ABCG5: variants seen among roughly 807,000 people sequenced by gnomAD.
The protein encoded by ABCG5 is ATP binding cassette subfamily G member 5.
A neutral mutation model predicts 64.5 loss-of-function variants in ABCG5; 64 were observed. That is an observed-to-expected ratio of 0.99 (90% CI 0.81 to 1.22). The LOEUF (loss-of-function observed/expected upper bound fraction) is 1.22. Among genes scored for constraint, ABCG5 ranks in the 50% most tolerant of loss-of-function variants. The probability of loss-of-function intolerance (pLI) is 0.00; values close to 1 mark genes in which losing one functional copy is unlikely to be tolerated. For synonymous variants in ABCG5, 385 were observed against 326.3 expected, an observed-to-expected ratio of 1.18 and a Z score of -1.94; for missense variants, 908 against 829.5, an observed-to-expected ratio of 1.09 and a Z score of -1.16.
downstream of ABCG5, among the ~76,000 whole-genome samples, chr2:43,812,237 T>TA (rs1666515639): frequency 6.6e-6 from 1 of 152,058 alleles, no homozygotes; most frequent in African/African-American, 2.4e-5. Flanking sequence ...TTTTTCTATA[T>TA]GGACTTTAAA....
rs762951266 is a variant in ABCG5, at chr2:43,828,067, G to C, written c.550C>G (p.Leu184Val). ...CCCCCCAAGCTGTAGTTGCCAATCA[G>C]TCGGTCTGCCACATGGCTCAGACTC... ...ELSLSHVADR[L>V]IGNYSLGGIS... Residue 184 changes from leucine to valine, a missense_variant, in exon 5 of 13, where the codon CTG (leucine) becomes GTG (valine). By Grantham distance (32) the Leu-to-Val change is conservative (BLOSUM62 1). Coordinates refer to ENST00000405322, the MANE Select transcript of ABCG5 (RefSeq NM_022436.3). 6.2e-7 allele frequency: 1 copy of C among 1,614,108 alleles called. No individual in the cohort carries two copies. Among genetic ancestry groups the C allele is most frequent in the Admixed American group, 1.7e-5 (1 of 60,018 alleles).
intron 10 of ABCG5, chr2:43,822,443 G>GT (rs1667275164): frequency 3.4e-6 from 3 of 885,616 alleles, no homozygotes; most frequent in Non-Finnish European, 2.7e-6. Context: ...CTGTTTTAAG[G>GT]TTTTACATTC....
rs574615676 is a variant in ABCG5 at position 43,827,878 on chromosome 2, CA to C, written c.634+104del. The C allele has an allele frequency of 2.4e-4, 372 of 1,539,344 alleles. 1 individual carries two copies. In the African/African-American group the frequency reaches 4.3e-3, roughly 18 times the overall value. On this transcript the variant is annotated intron_variant, in intron 5 of 12. Transcript: ENST00000405322. The stretch of plus-strand genomic sequence containing the variant: ...AAAAACCTGTGATTTCAGTTGTACA[CA>C]AACCCCTTTCCAAATGAGGACCGTG...
chr2:43,839,188 T>C, upstream of ABCG5: 1 of 1,485,078 alleles, frequency 6.7e-7, no homozygotes, highest in Non-Finnish European at 9.2e-7. Flanking sequence ...CTCTCTTCCC[T>C]CAGGAGCCTT....
chr2:43,834,962 A>G (rs1668171098), intron 2 of ABCG5, among the ~76,000 whole-genome samples: 1 of 152,244 alleles, frequency 6.6e-6, no homozygotes, highest in Non-Finnish European at 1.5e-5. Flanking sequence ...ATTTTATGCA[A>G]TACTATGGAG....
Position 43,838,062 on chromosome 2 carries a change from G to C in ABCG5, c.144-107C>G. 2 of 1,487,114 alleles carry C rather than the reference G, an allele frequency of 1.3e-6. No individual in the cohort carries two copies. Among genetic ancestry groups the C allele is most frequent in the Non-Finnish European group, 1.9e-6 (2 of 1,077,470 alleles). The allele number at this position is 1,487,114 out of a possible 1,614,324, so 92.1% of individuals were successfully genotyped here. ...CTGTGCCCCACCCCAGTAGTCTCCG[G>C]ACAGGCTCCTAACGTGTTTCAGTCT... is the stretch of plus-strand genomic sequence containing the variant. On this transcript the variant is annotated intron_variant, in intron 1 of 12. Transcript: ENST00000405322. The surrounding 1 kb of genome is among the most constrained non-coding windows in gnomAD (Gnocchi z 4.2).
intron 5 of ABCG5, among the ~76,000 whole-genome samples, chr2:43,827,313 G>A (rs1445531432): frequency 2.1e-5 from 3 of 141,140 alleles, no homozygotes; most frequent in Non-Finnish European, 4.5e-5. Context: ...CAACAAGAGC[G>A]AAACTCTGTC....
chr2:43,830,279 C>G (rs1299800978), intron 4 of ABCG5, among the ~76,000 whole-genome samples: 1 of 152,230 alleles, frequency 6.6e-6, no homozygotes, highest in Admixed American at 6.5e-5. Context: ...GCAAGTCCAA[C>G]CCTCCATGCT....
chr2:43,834,706 G>A (rs929257753), intron 2 of ABCG5, among the ~76,000 whole-genome samples: 47 of 152,334 alleles, frequency 3.1e-4, no homozygotes, highest in African/African-American at 1.0e-3. Flanking sequence ...CCTAAAGGGC[G>A]ATAAAACTAT....
downstream of ABCG5, among the ~76,000 whole-genome samples, chr2:43,811,307 A>C (rs1424665764): frequency 6.6e-6 from 1 of 152,248 alleles, no homozygotes; most frequent in Non-Finnish European, 1.5e-5. Context: ...TGACAATACT[A>C]GTCTGATAAT....
upstream of ABCG5, chr2:43,839,032 G>T: frequency 6.4e-7 from 1 of 1,550,474 alleles, no homozygotes; most frequent in Non-Finnish European, 8.7e-7. Flanking sequence ...CTGCAGCCCA[G>T]GGTCACAGAC....
intron 11 of ABCG5, among the ~76,000 whole-genome samples, chr2:43,818,421 G>A (rs1044131207): frequency 6.6e-6 from 1 of 152,182 alleles, no homozygotes; most frequent in African/African-American, 2.4e-5. Flanking sequence ...TTCAGCCTGG[G>A]CGGCAGAGTG....
intron 12 of ABCG5, among the ~76,000 whole-genome samples, chr2:43,813,709 G>GTTTTT (rs1214033245): frequency 1.9e-3 from 65 of 34,034 alleles, no homozygotes; most frequent in African/African-American, 4.4e-3. Flanking sequence ...TTTTTTTTTC[G>GTTTTT]TTTTTTTTTT....
At position 43,831,810 on chromosome 2, in the gene ABCG5, G is replaced by T; in HGVS notation, c.460C>A (p.Leu154Met). The T allele has an allele frequency of 6.3e-7, 1 of 1,590,450 alleles. No homozygotes were observed. The highest frequency in any genetic ancestry group is 1.3e-5 in the African/African-American group (1 of 74,906). ...CCGGGATTGCCGCGGCGGATGGCCA[G>T]CAGCGCGGTGTAGTGCAGCGTCTCG... ...VRETLHYTALLAIRRGNPGSF... is the reference protein window; with the variant it reads ...VRETLHYTALMAIRRGNPGSF... Residue 154 changes from leucine (L) to methionine (M), a missense_variant, in exon 4 of 13, where the codon CTG becomes ATG. Physicochemically the swap from Leu to Met is conservative, Grantham distance 15. Coordinates refer to ENST00000405322, the MANE Select transcript of ABCG5 (RefSeq NM_022436.3).
chr2:43,832,276 A>G, intron 2 of ABCG5, 193 bp from the exon 3 acceptor site: 1 of 701,240 alleles, frequency 1.4e-6, no homozygotes. Context: ...CAGCAGTCTC[A>G]CGCGCAAGTG....
intron 5 of ABCG5, among the ~76,000 whole-genome samples, chr2:43,826,975 G>T (rs1468351456): frequency 6.6e-6 from 1 of 152,232 alleles, no homozygotes; most frequent in African/African-American, 2.4e-5. Context: ...AAGGCCTGAA[G>T]TGTGGCAGGC....
chr2:43,824,062 T>C lies in ABCG5; in HGVS notation c.1175A>G (p.Gln392Arg), dbSNP rs1426495331. 1 of 1,614,124 alleles carries C rather than the reference T, an allele frequency of 6.2e-7. No homozygotes were observed. The highest frequency in any genetic ancestry group is 1.3e-5 in the African/African-American group (1 of 74,944). ...NKLAVITRLLQNLIMGLFLLF... is the reference protein window; with the variant it reads ...NKLAVITRLLRNLIMGLFLLF... ...GAGGAACAAACCCATGATCAGATTC[T>C]GAAGGAGACGCGTAATCACTGCCAG... is the stretch of plus-strand genomic sequence containing the variant. Residue 392 changes from glutamine to arginine, a missense_variant, in exon 9 of 13, where the codon CAG (glutamine) becomes CGG (arginine). Coordinates refer to ENST00000405322, the MANE Select transcript of ABCG5 (RefSeq NM_022436.3).
chr2:43,837,376 C>T (rs1668343616), intron 2 of ABCG5, among the ~76,000 whole-genome samples: 1 of 152,158 alleles, frequency 6.6e-6, no homozygotes, highest in Non-Finnish European at 1.5e-5. Context: ...TCACCTCAGC[C>T]TCTCAAGCTG....
chr2:43,834,739 G>T (rs1167933036), intron 2 of ABCG5, among the ~76,000 whole-genome samples: 3 of 152,214 alleles, frequency 2.0e-5, no homozygotes, highest in Admixed American at 1.3e-4. Context: ...TAAATAATCT[G>T]CAAAGAAGCA....
Sources: allele counts gnomAD v4.1 joint callset (sites outside exome capture counted in the v4.1 genomes callset), GRCh38; gene constraint gnomAD v4.1.1; non-coding constraint Gnocchi (gnomAD v3.1); transcripts MANE v1.5; gene names NCBI Gene and HGNC (gene_info 2026-07-23, HGNC 2026-07-21).